The following PLGRKT variants were observed in gnomAD, a reference collection of about 807,000 sequenced individuals.
PLGRKT encodes plasminogen receptor (KT).
A neutral mutation model predicts 18.5 loss-of-function variants in PLGRKT; 22 were observed. That is an observed-to-expected ratio of 1.19 (90% CI 0.85 to 1.70). The LOEUF (loss-of-function observed/expected upper bound fraction) is 1.70, where lower values mean the gene tolerates loss of function less well. Among genes scored for constraint, PLGRKT ranks in the 40% most tolerant of loss-of-function variants. PLGRKT has a pLI of 0.00. For missense variants in PLGRKT, 235 were observed against 174.4 expected, an observed-to-expected ratio of 1.35 and a Z score of -1.96; for synonymous variants, 72 against 52.8, an observed-to-expected ratio of 1.36 and a Z score of -1.58.
intron 3 of PLGRKT, among the ~76,000 whole-genome samples, chr9:5,371,602 T>C (rs1440111444): frequency 6.6e-6 from 1 of 152,154 alleles, no homozygotes; most frequent in Non-Finnish European, 1.5e-5. Context: ...ATTAAACCTC[T>C]TTTTCTCCCC....
At chr9:5,417,576 A>G (rs1258827539) in intron 3 of PLGRKT, among the ~76,000 whole-genome samples, 1 of 152,058 alleles carries the variant, frequency 6.6e-6, no homozygotes, top group Non-Finnish European at 1.5e-5. Context: ...AGAGAAAAAA[A>G]AAAACACCTG....
chr9:5,369,540 C>G (rs1817471862), intron 3 of PLGRKT, among the ~76,000 whole-genome samples: 1 of 152,138 alleles, frequency 6.6e-6, no homozygotes, highest in Admixed American at 6.6e-5. Flanking sequence ...GTGGTGATTC[C>G]TCAAGGATTT....
chr9:5,362,013 C>G, intron 3 of PLGRKT, 125 bp from the exon 4 acceptor site: 1 of 929,638 alleles, frequency 1.1e-6, no homozygotes, highest in Non-Finnish European at 1.6e-6. Flanking sequence ...TCAAAAAAAT[C>G]TCAACAGACT....
In PLGRKT at chr9:5,391,730, T is replaced by C. The variant is rs773747270; in HGVS notation, c.82-29842A>G. On this transcript the variant is annotated intron_variant, in intron 3 of 5. Transcript: ENST00000223864. ...CAGCCCCACAGGTATCCTGAAAGGT[T>C]CAGTCGTATTCATGCTTTGTCTAAT... Among the ~76,000 whole-genome samples, 87 of 151,992 alleles carry C rather than the reference T, an allele frequency of 5.7e-4. 1 individual carries two copies. Among genetic ancestry groups the C allele is most frequent in the Non-Finnish European group, 1.0e-3 (69 of 68,038 alleles).
chr9:5,428,323 T>C (rs1192621096), intron 3 of PLGRKT, among the ~76,000 whole-genome samples: 1 of 152,090 alleles, frequency 6.6e-6, no homozygotes, highest in Non-Finnish European at 1.5e-5. Flanking sequence ...TTTAGGGAAG[T>C]ATGCTGGGGA....
At position 5,358,265 on chromosome 9, in the gene PLGRKT, G is replaced by A; in HGVS notation, c.418C>T (p.Gln140Ter). Reference protein sequence around the residue: ...FESIEKARKEQSRFFIDK With the variant: ...FESIEKARKE Reference sequence around the variant, plus strand: ...CATTTGTCTATGAAGAATCTACTCTGTTCCTTTCTGGCTTTTTCAATGCTT... The same window carrying A: ...CATTTGTCTATGAAGAATCTACTCTATTCCTTTCTGGCTTTTTCAATGCTT... The change falls in exon 6 of 6, where the codon CAG becomes TAG. Residue 140 changes from glutamine to a stop codon, truncating the protein, a stop_gained. Transcript: ENST00000223864. LOFTEE classifies it high-confidence loss of function. 1.2e-6 allele frequency: 2 copies of A among 1,609,402 alleles called. No individual in the cohort carries two copies. The highest frequency in any genetic ancestry group is 1.1e-5 in the South Asian group (1 of 90,972).
intron 3 of PLGRKT, among the ~76,000 whole-genome samples, chr9:5,380,058 T>C (rs1004506216): frequency 7.9e-5 from 12 of 152,182 alleles, no homozygotes; most frequent in African/African-American, 2.4e-4. Context: ...TTGCTGTGGA[T>C]GAACAATTTA....
At position 5,418,278 on chromosome 9, in the gene PLGRKT, T is replaced by C. The variant is rs1343825327; in HGVS notation, c.81+13619A>G. 8.4e-6 allele frequency: 4 copies of C among 477,632 alleles called. No individual in the cohort carries two copies. The highest frequency in any genetic ancestry group is 5.5e-5 in the Admixed American group (2 of 36,626). The allele number at this position is 477,632 out of a possible 1,614,324, so 29.6% of individuals were successfully genotyped here. ...CCAGCTCTCAGCACCAAATGGTCAG[T>C]GTCGCCCCCTCATCTTCTCACTGGG... is the stretch of plus-strand genomic sequence containing the variant. On this transcript the variant is annotated intron_variant, in intron 3 of 5. Coordinates refer to ENST00000223864, the MANE Select transcript of PLGRKT (RefSeq NM_018465.4). The surrounding 1 kb of genome is among the most constrained non-coding windows in gnomAD (Gnocchi z 4.2).
At chr9:5,407,918 T>C (rs1818286860) in intron 3 of PLGRKT, among the ~76,000 whole-genome samples, 1 of 152,184 alleles carries the variant, frequency 6.6e-6, no homozygotes, top group South Asian at 2.1e-4. Flanking sequence ...GATATTAGCA[T>C]TTAATGCTGC....
chr9:5,435,445 G>A (rs1563795166), intron 2 of PLGRKT, among the ~76,000 whole-genome samples: 1 of 151,566 alleles, frequency 6.6e-6, no homozygotes, highest in African/African-American at 2.4e-5. Context: ...TCCACCCACT[G>A]CTAACTGCCT....
intron 3 of PLGRKT, among the ~76,000 whole-genome samples, chr9:5,429,704 A>G (rs1051754883): frequency 2.0e-5 from 3 of 152,188 alleles, no homozygotes; most frequent in Admixed American, 1.3e-4. Context: ...TTACCTCTGT[A>G]AAGACCCTAT....
chr9:5,431,609 C>T (rs979058523), intron 3 of PLGRKT, among the ~76,000 whole-genome samples: 1 of 151,560 alleles, frequency 6.6e-6, no homozygotes, highest in South Asian at 2.1e-4. Flanking sequence ...ATAATCTCCC[C>T]ATCTCAAACA....
chr9:5,425,746 C>A (rs572342017), intron 3 of PLGRKT, among the ~76,000 whole-genome samples: 1 of 152,154 alleles, frequency 6.6e-6, no homozygotes, highest in African/African-American at 2.4e-5. Flanking sequence ...GGAGCCTGAC[C>A]AGTGGTATAA....
At chr9:5,436,947 A>C (rs1818972150) in intron 1 of PLGRKT, among the ~76,000 whole-genome samples, 1 of 152,140 alleles carries the variant, frequency 6.6e-6, no homozygotes, top group Non-Finnish European at 1.5e-5. Flanking sequence ...AAGTCTTTTA[A>C]AAATTCTAAC....
At chr9:5,380,406 T>C (rs1015761426) in intron 3 of PLGRKT, among the ~76,000 whole-genome samples, 2 of 151,270 alleles carry the variant, frequency 1.3e-5, no homozygotes, top group Admixed American at 6.6e-5. Context: ...AAATAATAGC[T>C]AATATTTATC....
chr9:5,435,845 G>T (rs1208812423), intron 2 of PLGRKT, among the ~76,000 whole-genome samples: 1 of 152,232 alleles, frequency 6.6e-6, no homozygotes, highest in Non-Finnish European at 1.5e-5. Flanking sequence ...TTACAGCCAG[G>T]ATTCCCAAGT....
At chr9:5,416,056 T>C (rs186510151) in intron 3 of PLGRKT, among the ~76,000 whole-genome samples, 327 of 152,260 alleles carry the variant, frequency 2.1e-3, no homozygotes, top group African/African-American at 7.0e-3. Context: ...TAGAGAAAGC[T>C]GGATAAAGGA....
intron 1 of PLGRKT, 69 bp from the exon 2 acceptor site, chr9:5,436,763 C>G (rs1818968202): frequency 6.6e-6 from 1 of 152,238 alleles, no homozygotes; most frequent in Non-Finnish European, 1.5e-5. Flanking sequence ...AACATTCTTT[C>G]CTTTCCCAAC....
chr9:5,364,303 T>G (rs1817334763), intron 3 of PLGRKT, among the ~76,000 whole-genome samples: 1 of 152,128 alleles, frequency 6.6e-6, no homozygotes, highest in Admixed American at 6.5e-5. Flanking sequence ...AGCTCATATT[T>G]TTTTTCCCAC....
Sources: allele counts gnomAD v4.1 joint callset (sites outside exome capture counted in the v4.1 genomes callset), GRCh38; gene constraint gnomAD v4.1.1; non-coding constraint Gnocchi (gnomAD v3.1); transcripts MANE v1.5; gene names NCBI Gene and HGNC (gene_info 2026-07-23, HGNC 2026-07-21).